The following GARIN1A variants were observed in gnomAD, a reference collection of about 807,000 sequenced individuals.
GARIN1A encodes golgi associated RAB2 interactor 1A, also known as Golgi-associated RAB2 interactor protein 1A.
chr7:128,685,913 T>C, the GARIN1A span: 2 of 152,202 alleles, frequency 1.3e-5, no homozygotes, highest in African/African-American at 4.8e-5. Context: ...ACCTAGACTA[T>C]TGTATTAATA....
the GARIN1A span, among the ~76,000 whole-genome samples, chr7:128,676,204 G>A: frequency 1.3e-5 from 2 of 151,754 alleles, no homozygotes; most frequent in Admixed American, 6.6e-5. Context: ...TAGAGATGGG[G>A]TTTCACTGTG....
At chr7:128,680,902 G>A in the GARIN1A span, among the ~76,000 whole-genome samples, 1 of 152,122 alleles carries the variant, frequency 6.6e-6, no homozygotes, top group Non-Finnish European at 1.5e-5. Flanking sequence ...ACAGAATAAG[G>A]GAAACAACCA....
the GARIN1A span, among the ~76,000 whole-genome samples, chr7:128,682,027 A>G: frequency 1.3e-5 from 2 of 151,888 alleles, no homozygotes; most frequent in Non-Finnish European, 2.9e-5. Context: ...CATACAGTCC[A>G]CATCTGGTCC....
chr7:128,684,685 G>C, the GARIN1A span: 1 of 151,230 alleles, frequency 6.6e-6, no homozygotes, highest in East Asian at 1.9e-4. Context: ...AGCTATGAAG[G>C]CTCCCCTGGC....
At chr7:128,677,861 G>A in the GARIN1A span, 1 of 1,484,428 alleles carries the variant, frequency 6.7e-7, no homozygotes, top group Non-Finnish European at 9.1e-7. Context: ...GTATATATAA[G>A]TATATATGTA....
the GARIN1A span, chr7:128,677,667 G>A: frequency 5.0e-6 from 8 of 1,613,742 alleles, no homozygotes; most frequent in East Asian, 2.2e-5. Context: ...GAAGCTCCAC[G>A]AAAAACACCC....
At chr7:128,704,984 A>G in the GARIN1A span, among the ~76,000 whole-genome samples, 1 of 152,232 alleles carries the variant, frequency 6.6e-6, no homozygotes, top group Non-Finnish European at 1.5e-5. Flanking sequence ...TGTCAGAGGA[A>G]GGAGTTCAAA....
At chr7:128,684,985 T>A in the GARIN1A span, 1 of 151,428 alleles carries the variant, frequency 6.6e-6, no homozygotes, top group East Asian at 1.9e-4. Context: ...CACTGCAACC[T>A]CCACCTCTCA....
the GARIN1A span, among the ~76,000 whole-genome samples, chr7:128,694,987 A>G: frequency 6.6e-6 from 1 of 152,180 alleles, no homozygotes; most frequent in Non-Finnish European, 1.5e-5. Context: ...CTCTATAGCA[A>G]GTTGCCTTCT....
chr7:128,675,835 A>T, the GARIN1A span: 199,786 of 1,612,510 alleles, frequency 0.12, 13,461 homozygotes, highest in African/African-American at 0.21. Flanking sequence ...ACACCTGGTG[A>T]CGCCCCAGTC....
the GARIN1A span, chr7:128,675,939 A>G: frequency 9.6e-7 from 1 of 1,036,958 alleles, no homozygotes; most frequent in Non-Finnish European, 1.5e-6. Context: ...TTTTAGATCA[A>G]AAGAAAAGAT....
chr7:128,672,649 A>T, the GARIN1A span: 66 of 124,330 alleles, frequency 5.3e-4, no homozygotes, highest in Non-Finnish European at 1.0e-3. Context: ...GCCCTGGGGG[A>T]GGGGGGGGCG....
the GARIN1A span, among the ~76,000 whole-genome samples, chr7:128,705,658 T>G: frequency 1.6e-4 from 1 of 6,348 alleles, no homozygotes; most frequent in Non-Finnish European, 4.3e-4. Context: ...TTTTGGTGTT[T>G]TTTTTTTTTT....
chr7:128,698,903 T>C, the GARIN1A span, among the ~76,000 whole-genome samples: 1 of 152,192 alleles, frequency 6.6e-6, no homozygotes, highest in Non-Finnish European at 1.5e-5. Context: ...CCTCATTATA[T>C]AGCCTCTGCT....
chr7:128,692,885 C>G, the GARIN1A span, among the ~76,000 whole-genome samples: 1 of 152,194 alleles, frequency 6.6e-6, no homozygotes, highest in Non-Finnish European at 1.5e-5. Context: ...ACAAGGGGCT[C>G]ATCTCGAGAA....
the GARIN1A span, among the ~76,000 whole-genome samples, chr7:128,681,476 T>G: frequency 1.3e-5 from 1 of 74,260 alleles, no homozygotes; most frequent in African/African-American, 4.7e-5. Context: ...CCCTCTCCTC[T>G]CCTCCTTTCC....
chr7:128,695,382 T>G, the GARIN1A span, among the ~76,000 whole-genome samples: 24,206 of 152,148 alleles, frequency 0.16, 2,140 homozygotes, highest in East Asian at 0.36. The surrounding 1 kb of genome is among the most constrained non-coding windows in gnomAD (Gnocchi z 4.5). Flanking sequence ...AGACTGACAA[T>G]GAACCCTTAA....
At chr7:128,681,143 T>C in the GARIN1A span, among the ~76,000 whole-genome samples, 1 of 152,204 alleles carries the variant, frequency 6.6e-6, no homozygotes, top group Non-Finnish European at 1.5e-5. Context: ...ACATAGCATA[T>C]GGGCTCTCTC....
the GARIN1A span, among the ~76,000 whole-genome samples, chr7:128,707,701 C>T: frequency 7.2e-5 from 11 of 152,260 alleles, no homozygotes; most frequent in South Asian, 8.3e-4. Flanking sequence ...GATCCTCCCG[C>T]CTTGGCCTCC....
Sources: allele counts gnomAD v4.1 joint callset (sites outside exome capture counted in the v4.1 genomes callset), GRCh38; gene constraint gnomAD v4.1.1; non-coding constraint Gnocchi (gnomAD v3.1); transcripts MANE v1.5; gene names NCBI Gene and HGNC (gene_info 2026-07-23, HGNC 2026-07-21).